Variants in INPP4B observed in about 807,000 individuals in gnomAD.
The protein encoded by INPP4B is inositol polyphosphate 4-phosphatase type II.
A neutral mutation model predicts 122.5 loss-of-function variants in INPP4B; 55 were observed. That is an observed-to-expected ratio of 0.45 (90% CI 0.36 to 0.56). INPP4B has a LOEUF of 0.56. Among genes scored for constraint, INPP4B ranks in the 20% least tolerant of loss-of-function variants. The pLI is 0.00. For missense variants in INPP4B, 1,000 were observed against 1,097.7 expected (o/e 0.91, Z 1.26); for synonymous variants, 403 against 388.7 (o/e 1.04, Z -0.43).
In INPP4B at chr4:142,245,989, CATAT is replaced by C. The variant is rs1196908252; in HGVS notation, c.689-7982_689-7979del. Among the ~76,000 whole-genome samples, 827 of 128,470 alleles carry C rather than the reference CATAT, an allele frequency of 6.4e-3. 59 individuals are homozygous for C. Among genetic ancestry groups the C allele is most frequent in the African/African-American group, 0.016 (508 of 31,732 alleles). 84.3% of individuals were successfully genotyped at this position (128,470 alleles called of 152,430 possible). ...GTATACACACATGTGTGTATGTATA[CATAT>C]ATATGTGTATGTATACACACATGTG... On this transcript the variant is annotated intron_variant, in intron 11 of 25. Coordinates refer to ENST00000262992, the MANE Select transcript of INPP4B (RefSeq NM_001101669.3).
intron 15 of INPP4B, among the ~76,000 whole-genome samples, chr4:142,178,201 T>G (rs1829203476): frequency 6.6e-6 from 1 of 152,178 alleles, no homozygotes. Flanking sequence ...CTATGACTCT[T>G]TGTCTCTTAT....
chr4:142,254,288 G>T (rs1734350701), intron 11 of INPP4B, among the ~76,000 whole-genome samples: 1 of 147,904 alleles, frequency 6.8e-6, no homozygotes, highest in African/African-American at 2.5e-5. Context: ...ACTCTAAAAA[G>T]CAGAGCGCCT....
At position 142,303,004 on chromosome 4, in the gene INPP4B, A is replaced by G. The variant is rs1028672109; in HGVS notation, c.503+2454T>C. Among the ~76,000 whole-genome samples, 6 of 152,164 alleles carry G rather than the reference A, an allele frequency of 3.9e-5. No homozygotes were observed. In the South Asian group the frequency reaches 1.0e-3, roughly 26 times the overall value. ...TTATACATCAGAGGCATTTTCCCCA[A>G]TATATATAAACACATTTTACTCTAC... On this transcript the variant is annotated intron_variant, in intron 9 of 25. Coordinates refer to ENST00000262992, the MANE Select transcript of INPP4B (RefSeq NM_001101669.3).
chr4:142,082,009 A>AG (rs397764853), intron 25 of INPP4B, 22 bp downstream of exon 25: 2 of 1,412,664 alleles, frequency 1.4e-6, no homozygotes, highest in Non-Finnish European at 1.9e-6. Context: ...AAAGAAAAAA[A>AG]CTTGAAAAAC....
intron 2 of INPP4B, among the ~76,000 whole-genome samples, chr4:142,527,558 C>T (rs894517820): frequency 3.3e-5 from 5 of 151,864 alleles, no homozygotes; most frequent in Admixed American, 2.0e-4. Context: ...TTAATTATAG[C>T]GAGAATTTCA....
intron 1 of INPP4B, among the ~76,000 whole-genome samples, chr4:142,803,649 T>TAAAAAAAAAAAAAAAA (rs34262906): frequency 2.9e-5 from 4 of 138,928 alleles, no homozygotes; most frequent in Non-Finnish European, 4.7e-5. Context: ...CAATAAAACT[T>TAAAAAAAAAAAAAAAA]AAAAAAAAAA....
At chr4:142,085,060 G>C (rs547976647) in intron 24 of INPP4B, among the ~76,000 whole-genome samples, 2 of 152,312 alleles carry the variant, frequency 1.3e-5, no homozygotes, top group African/African-American at 4.8e-5. Flanking sequence ...AATGGAACCA[G>C]TGTAAATCAG....
At chr4:142,505,231 T>A (rs1339448821) in intron 2 of INPP4B, among the ~76,000 whole-genome samples, 1 of 149,386 alleles carries the variant, frequency 6.7e-6, no homozygotes, top group Admixed American at 6.7e-5. Flanking sequence ...AGAGAGAGAC[T>A]CTGTCTATTA....
At chr4:142,710,329 G>C (rs1762956370) in intron 2 of INPP4B, among the ~76,000 whole-genome samples, 2 of 152,280 alleles carry the variant, frequency 1.3e-5, no homozygotes, top group Middle Eastern at 3.4e-3. Flanking sequence ...ATGTAAGAGA[G>C]AGATGATGTT....
At chr4:142,216,651 G>A (rs1847405282) in intron 12 of INPP4B, among the ~76,000 whole-genome samples, 1 of 152,074 alleles carries the variant, frequency 6.6e-6, no homozygotes, top group African/African-American at 2.4e-5. Flanking sequence ...AAAAACACAT[G>A]CTTTTTATTT....
At chr4:142,318,324 G>A (rs1768608873) in intron 7 of INPP4B, among the ~76,000 whole-genome samples, 1 of 152,052 alleles carries the variant, frequency 6.6e-6, no homozygotes, top group African/African-American at 2.4e-5. Flanking sequence ...GGAAGAGAGA[G>A]AAGGAGGAAT....
rs745315954 is a variant in INPP4B at position 142,431,182 on chromosome 4, G to T, written c.78C>A (p.Asp26Glu). The change falls in exon 4 of 26, where the codon GAC becomes GAA. Residue 26 changes from aspartate to glutamate, a missense_variant. By Grantham distance (45) the Asp-to-Glu change is conservative (BLOSUM62 2). Coordinates refer to ENST00000262992, the MANE Select transcript of INPP4B (RefSeq NM_001101669.3). ...ACACATACTTACTTGTGAACTGACA[G>T]TCCCCGGGATCATTGGCCTGGGCTG... ...LPTAQANDPG[D>E]CQFTSIQKTP... The T allele has an allele frequency of 4.3e-6, 7 of 1,612,742 alleles. No homozygotes were observed. Among genetic ancestry groups the T allele is most frequent in the Non-Finnish European group, 5.9e-6 (7 of 1,179,006 alleles).
chr4:142,649,139 G>A (rs537769924), intron 2 of INPP4B, among the ~76,000 whole-genome samples: 17 of 152,276 alleles, frequency 1.1e-4, no homozygotes, highest in South Asian at 2.1e-4. Context: ...CTGACTGTTC[G>A]AAGGAAAACT....
chr4:142,644,079 T>C (rs1043151897), intron 2 of INPP4B, among the ~76,000 whole-genome samples: 5 of 151,962 alleles, frequency 3.3e-5, no homozygotes, highest in South Asian at 2.1e-4. Flanking sequence ...CAGGTGCCTA[T>C]AGTCCTAGCT....
At chr4:142,770,155 T>C (rs1306013661) in intron 1 of INPP4B, among the ~76,000 whole-genome samples, 1 of 152,162 alleles carries the variant, frequency 6.6e-6, no homozygotes, top group Non-Finnish European at 1.5e-5. Context: ...AGAATACTGA[T>C]AACAGTTGTT....
intron 12 of INPP4B, among the ~76,000 whole-genome samples, chr4:142,216,156 A>C (rs2149633774): frequency 6.6e-6 from 1 of 152,210 alleles, no homozygotes; most frequent in South Asian, 2.1e-4. Context: ...ACAACAAAAT[A>C]ATTCTTCCTG....
intron 2 of INPP4B, among the ~76,000 whole-genome samples, chr4:142,649,406 G>A (rs916125386): frequency 3.9e-5 from 6 of 152,100 alleles, no homozygotes; most frequent in Non-Finnish European, 5.9e-5. Context: ...TCAGAAGGTC[G>A]GTAATAACAA....
chr4:142,806,764 GAAGAAAGAAAGAAAGAAAGAAGGA>G (rs1205325931), intron 1 of INPP4B, among the ~76,000 whole-genome samples: 1,347 of 39,074 alleles, frequency 0.034, 34 homozygotes, highest in Non-Finnish European at 0.049. Flanking sequence ...GAAGAAGAAA[GAAGAAAGAAAGAAAGAAAGAAGGA>G]AAGAAAGAAA....
At chr4:142,489,049 A>G (rs752290158) in intron 2 of INPP4B, among the ~76,000 whole-genome samples, 10 of 152,072 alleles carry the variant, frequency 6.6e-5, no homozygotes, top group Non-Finnish European at 1.5e-4. Flanking sequence ...TTTAATATCT[A>G]TGTGTTAATT....
Sources: gnomAD v4.1 joint callset for allele counts (sites outside exome capture counted in the v4.1 genomes callset) on GRCh38, gnomAD v4.1.1 for gene constraint, MANE v1.5 for transcripts, NCBI Gene and HGNC (gene_info 2026-07-23, HGNC 2026-07-21) for gene names.